The following DNAH11 variants were observed in gnomAD, a reference collection of about 807,000 sequenced individuals.
DNAH11 encodes axonemal beta dynein heavy chain 11.
A neutral mutation model predicts 526.0 loss-of-function variants in DNAH11; 442 were observed. The observed-to-expected ratio is 0.84, with a 90% CI of 0.78 to 0.91. The LOEUF (loss-of-function observed/expected upper bound fraction) is 0.91, where lower values mean the gene tolerates loss of function less well. Among genes scored for constraint, DNAH11 ranks in the 40% least tolerant of loss-of-function variants. The pLI, the probability that DNAH11 is intolerant of heterozygous loss-of-function variation, is 0.00. For synonymous variants in DNAH11, 2,461 were observed against 1,935.9 expected (o/e 1.27, Z -7.12); for missense variants, 6,989 against 5,448.7 (o/e 1.28, Z -8.90).
At chr7:21,658,027 T>C (rs1782089599) in intron 29 of DNAH11, among the ~76,000 whole-genome samples, 2 of 152,160 alleles carry the variant, frequency 1.3e-5, no homozygotes, top group Non-Finnish European at 2.9e-5. Flanking sequence ...TATTTGCAAA[T>C]AATATATGTA....
chr7:21,727,483 T>C (rs1785177747), intron 45 of DNAH11, among the ~76,000 whole-genome samples: 1 of 152,240 alleles, frequency 6.6e-6, no homozygotes, highest in Admixed American at 6.5e-5. Context: ...CACAGTCATG[T>C]GACAGCTAAT....
chr7:21,589,112 G>A, intron 11 of DNAH11, 96 bp from the exon 12 acceptor site: 1 of 916,198 alleles, frequency 1.1e-6, no homozygotes, highest in Non-Finnish European at 1.5e-6. Flanking sequence ...GTTGTTTATA[G>A]TGTATTATAT....
intron 2 of DNAH11, among the ~76,000 whole-genome samples, chr7:21,545,442 A>T (rs563503878): frequency 1.3e-5 from 2 of 152,254 alleles, no homozygotes; most frequent in African/African-American, 4.8e-5. Flanking sequence ...TTCCAACACA[A>T]TAGAAGCAAA....
intron 30 of DNAH11, among the ~76,000 whole-genome samples, chr7:21,674,999 C>T (rs1007085697): frequency 6.6e-6 from 1 of 152,218 alleles, no homozygotes; most frequent in Non-Finnish European, 1.5e-5. Flanking sequence ...CCTTCTCCAA[C>T]TGCTTTGATA....
intron 6 of DNAH11, among the ~76,000 whole-genome samples, 181 bp from the exon 7 acceptor site, chr7:21,569,888 T>C (rs746211285): frequency 5.9e-5 from 9 of 152,216 alleles, no homozygotes; most frequent in Admixed American, 4.6e-4. Context: ...TTCTAACTTA[T>C]ACAAGTATGT....
intron 30 of DNAH11, among the ~76,000 whole-genome samples, chr7:21,674,514 CCAT>C (rs1381059703): frequency 2.6e-5 from 4 of 152,288 alleles, no homozygotes; most frequent in Admixed American, 6.5e-5. Flanking sequence ...GTGTGCACCA[CCAT>C]GCCTGGCTAA....
chr7:21,763,570 G>C (rs1193872266), intron 54 of DNAH11, among the ~76,000 whole-genome samples: 1 of 151,346 alleles, frequency 6.6e-6, no homozygotes, highest in East Asian at 1.9e-4. Context: ...GTAAAATGCT[G>C]CAACTACTAT....
At chr7:21,700,123 C>A (rs573627940) in intron 36 of DNAH11, among the ~76,000 whole-genome samples, 5 of 152,274 alleles carry the variant, frequency 3.3e-5, no homozygotes, top group African/African-American at 1.2e-4. Flanking sequence ...AACAACCTGT[C>A]CCAAGTCCAT....
chr7:21,579,551 G>A (rs1562675990), intron 8 of DNAH11, among the ~76,000 whole-genome samples: 1 of 152,156 alleles, frequency 6.6e-6, no homozygotes, highest in Non-Finnish European at 1.5e-5. Context: ...TGAGAAGTGG[G>A]TGAAGGAGAG....
intron 20 of DNAH11, among the ~76,000 whole-genome samples, chr7:21,607,832 G>A (rs963284059): frequency 6.6e-6 from 1 of 151,394 alleles, no homozygotes; most frequent in Non-Finnish European, 1.5e-5. Flanking sequence ...CAACTACTCA[G>A]GAGGCTGAGG....
chr7:21,674,411 A>G (rs141580066), intron 30 of DNAH11, among the ~76,000 whole-genome samples: 9,533 of 151,998 alleles, frequency 0.063, 332 homozygotes, highest in African/African-American at 0.074. Context: ...CCCAGGCTGG[A>G]GTGCAGTGGT....
At chr7:21,635,656 C>CT (rs1382957520) in intron 25 of DNAH11, among the ~76,000 whole-genome samples, 2 of 152,046 alleles carry the variant, frequency 1.3e-5, no homozygotes, top group Admixed American at 6.6e-5. Flanking sequence ...ATATATTTAT[C>CT]TTTTTTTCTT....
chr7:21,630,620 G>A (rs923563501), intron 25 of DNAH11, among the ~76,000 whole-genome samples: 1 of 152,114 alleles, frequency 6.6e-6, no homozygotes, highest in African/African-American at 2.4e-5. Flanking sequence ...TTGTTTTGTT[G>A]TTACATTTAG....
chr7:21,621,026 C>A (rs979386862), intron 25 of DNAH11, among the ~76,000 whole-genome samples: 3 of 151,972 alleles, frequency 2.0e-5, no homozygotes, highest in Admixed American at 2.0e-4. Context: ...AATAAACATA[C>A]GTGTGCATGT....
intron 55 of DNAH11, 43 bp from the exon 56 acceptor site, chr7:21,773,723 A>T (rs2127979132): frequency 1.6e-6 from 2 of 1,270,408 alleles, no homozygotes; most frequent in South Asian, 2.1e-5. Context: ...TGTATTTTTA[A>T]TTTGAGAGGA....
chr7:21,689,831 A>G (rs1783536189), intron 34 of DNAH11, among the ~76,000 whole-genome samples: 1 of 152,184 alleles, frequency 6.6e-6, no homozygotes, highest in South Asian at 2.1e-4. Context: ...CAGCAATGCA[A>G]GAGATCAGCC....
intron 60 of DNAH11, among the ~76,000 whole-genome samples, chr7:21,788,335 T>G (rs1310728793): frequency 6.6e-6 from 1 of 152,246 alleles, no homozygotes; most frequent in East Asian, 1.9e-4. Context: ...TCCTTTATAC[T>G]GTGGGGCCCA....
intron 57 of DNAH11, among the ~76,000 whole-genome samples, chr7:21,779,948 T>C (rs1422199635): frequency 6.6e-6 from 1 of 152,200 alleles, no homozygotes; most frequent in East Asian, 1.9e-4. Context: ...ATGCCATTTT[T>C]CTTGTATTTT....
Position 21,808,020 on chromosome 7 carries a change from T to A in DNAH11, c.10303T>A (p.Cys3435Ser), listed in dbSNP as rs1325718181. The A allele has an allele frequency of 4.5e-5, 71 of 1,564,338 alleles. No individual in the cohort carries two copies. The highest frequency in any genetic ancestry group is 6.0e-5 in the Non-Finnish European group (69 of 1,146,582). Residue 3435 changes from cysteine (C) to serine (S), a missense_variant, in exon 63 of 82, where the codon TGC becomes AGC. By Grantham distance (112) the Cys-to-Ser change is moderately radical. Coordinates refer to ENST00000409508, the MANE Select transcript of DNAH11 (RefSeq NM_001277115.2). The stretch of plus-strand genomic sequence containing the variant: ...GCAGTATCGCCAGGAGCTGGTGCAC[T>A]GCAAGTGGGTTCCCTTTCTTCAACA... ...TRQYRQELVH[C>S]KWVPFLQQKV...
Sources: allele counts gnomAD v4.1 joint callset (sites outside exome capture counted in the v4.1 genomes callset), GRCh38; gene constraint gnomAD v4.1.1; transcripts MANE v1.5; gene names NCBI Gene and HGNC (gene_info 2026-07-23, HGNC 2026-07-21).